CPSF3: variants seen among roughly 807,000 people sequenced by gnomAD.
CPSF3 encodes the protein cleavage and polyadenylation specific factor 3, also known as cleavage and polyadenylation specificity factor subunit 3.
A neutral mutation model predicts 84.1 loss-of-function variants in CPSF3; 57 were observed. The ratio of observed to expected loss-of-function variants is 0.68; its 90% CI spans 0.55 to 0.85. The LOEUF (loss-of-function observed/expected upper bound fraction) is 0.85, where lower values mean the gene tolerates loss of function less well. Among genes scored for constraint, CPSF3 ranks in the 40% least tolerant of loss-of-function variants. The pLI, the probability that CPSF3 is intolerant of heterozygous loss-of-function variation, is 0.00. For synonymous variants in CPSF3, 275 were observed against 278.1 expected (o/e 0.99, Z 0.11); for missense variants, 522 against 838.8 (o/e 0.62, Z 4.66).
intron 15 of CPSF3, among the ~76,000 whole-genome samples, chr2:9,463,274 A>G (rs569050335): frequency 6.6e-6 from 1 of 152,300 alleles, no homozygotes; most frequent in South Asian, 2.1e-4. Context: ...TTTTTAAAGG[A>G]CTGCCGTGGT....
chr2:9,473,021 T>C lies in CPSF3; in HGVS notation c.*4T>C. ...GGCCCTGACGCCAGTTCACTGAGAC[T>C]GTGCCTGTATATGAACTTTGAAAAA... On this transcript the variant is annotated 3_prime_UTR_variant, in exon 18 of 18. Coordinates refer to ENST00000238112, the MANE Select transcript of CPSF3 (RefSeq NM_016207.4). The C allele has an allele frequency of 6.2e-7, 1 of 1,602,542 alleles. No individual in the cohort carries two copies. The highest frequency in any genetic ancestry group is 8.5e-7 in the Non-Finnish European group (1 of 1,170,360).
intron 15 of CPSF3, among the ~76,000 whole-genome samples, chr2:9,461,381 A>T (rs1476958831): frequency 6.6e-6 from 1 of 152,190 alleles, no homozygotes. Flanking sequence ...TTTCTCTTAC[A>T]GTTGGGCACG....
intron 11 of CPSF3, among the ~76,000 whole-genome samples, chr2:9,449,787 C>T (rs1681253496): frequency 6.6e-6 from 1 of 152,108 alleles, no homozygotes; most frequent in East Asian, 1.9e-4. Flanking sequence ...TGAAATGTAA[C>T]ATTTTCAGAA....
chr2:9,463,858 C>T (rs1681816608), intron 15 of CPSF3, among the ~76,000 whole-genome samples: 1 of 152,216 alleles, frequency 6.6e-6, no homozygotes, highest in African/African-American at 2.4e-5. Context: ...GCTACAGCAG[C>T]AGAACTGAGT....
intron 1 of CPSF3, among the ~76,000 whole-genome samples, chr2:9,425,983 A>G (rs533204912): frequency 9.2e-5 from 14 of 152,314 alleles, no homozygotes; most frequent in Admixed American, 5.9e-4. Context: ...TGGACATTTC[A>G]TGTAAGTGTG....
rs181763451 is a variant in CPSF3 at position 9,450,199 on chromosome 2, T to G, written c.1395+1849T>G. 3.1e-3 allele frequency among the ~76,000 whole-genome samples: 464 copies of G among 150,656 alleles called. 2 individuals are homozygous for G. Among genetic ancestry groups the G allele is most frequent in the African/African-American group, 0.011 (449 of 40,990 alleles). On this transcript the variant is annotated intron_variant, in intron 11 of 17. Transcript: ENST00000238112. The stretch of plus-strand genomic sequence containing the variant: ...AGGAGTCTTGCTCTGTCGCCCAGGC[T>G]GGAGTGCAATGGTGCCATCTCGGCT...
intron 4 of CPSF3, among the ~76,000 whole-genome samples, chr2:9,431,459 A>AC (rs1376090531): frequency 6.6e-6 from 1 of 152,020 alleles, no homozygotes; most frequent in Non-Finnish European, 1.5e-5. Context: ...AATAATGCTT[A>AC]CCACATACTA....
intron 8 of CPSF3, among the ~76,000 whole-genome samples, chr2:9,441,539 T>C (rs1680960264): frequency 6.6e-6 from 1 of 152,236 alleles, no homozygotes; most frequent in South Asian, 2.1e-4. Context: ...TGCTAGGCGC[T>C]GAAGATGGTC....
intron 10 of CPSF3, among the ~76,000 whole-genome samples, chr2:9,444,127 C>T (rs961453021): frequency 7.1e-6 from 1 of 140,270 alleles, no homozygotes; most frequent in East Asian, 2.0e-4. Context: ...ATAGTAAATG[C>T]TTAATATATA....
chr2:9,456,403 C>T (rs1681528008), intron 13 of CPSF3, among the ~76,000 whole-genome samples: 1 of 152,160 alleles, frequency 6.6e-6, no homozygotes, highest in Admixed American at 6.5e-5. Context: ...ATAAAATAAA[C>T]CAGTAGAAAG....
At position 9,459,630 on chromosome 2, in the gene CPSF3, T is replaced by C. The variant is rs200473404; in HGVS notation, c.1786+12T>C. 22 of 1,158,534 alleles carry C rather than the reference T, an allele frequency of 1.9e-5. No homozygotes were observed. In the East Asian group the frequency reaches 5.6e-4, roughly 29 times the overall value. The allele number at this position is 1,158,534 out of a possible 1,614,324, so 71.8% of individuals were successfully genotyped here. Reference sequence around the variant, plus strand: ...CAAAATAAGAAAAGGTAAGAGTTCATTTTTATCCTTTTTTTTTTTTTTTTT... The same window carrying C: ...CAAAATAAGAAAAGGTAAGAGTTCACTTTTATCCTTTTTTTTTTTTTTTTT... On this transcript the variant is annotated intron_variant, in intron 15 of 17. Coordinates refer to ENST00000238112, the MANE Select transcript of CPSF3 (RefSeq NM_016207.4).
At chr2:9,452,244 G>A (rs562555042) in intron 11 of CPSF3, among the ~76,000 whole-genome samples, 8 of 150,778 alleles carry the variant, frequency 5.3e-5, no homozygotes, top group Non-Finnish European at 8.8e-5. Context: ...TGGGAGAATC[G>A]CTTGAACCCG....
At chr2:9,431,144 C>T (rs1680570409) in intron 4 of CPSF3, among the ~76,000 whole-genome samples, 1 of 152,186 alleles carries the variant, frequency 6.6e-6, no homozygotes, top group Non-Finnish European at 1.5e-5. Flanking sequence ...GCAGCCTCAG[C>T]CACCTGGGCT....
At chr2:9,466,398 ACACGCACG>A (rs1380783556) in intron 15 of CPSF3, among the ~76,000 whole-genome samples, 1 of 144,430 alleles carries the variant, frequency 6.9e-6, no homozygotes, top group African/African-American at 2.6e-5. Flanking sequence ...ACGCGCACAC[ACACGCACG>A]CGCACACACG....
intron 14 of CPSF3, among the ~76,000 whole-genome samples, chr2:9,458,602 G>A (rs1681615449): frequency 6.6e-6 from 1 of 152,024 alleles, no homozygotes; most frequent in Non-Finnish European, 1.5e-5. Flanking sequence ...AGGCCAAGGT[G>A]GGCAGATCAC....
intron 12 of CPSF3, among the ~76,000 whole-genome samples, chr2:9,455,135 C>CTT (rs5829212): frequency 1.2e-4 from 16 of 135,536 alleles, no homozygotes; most frequent in South Asian, 2.4e-4. Flanking sequence ...ACATGAGGTG[C>CTT]TTTTTTTTTT....
At chr2:9,423,940 G>A (rs1680222137) in intron 1 of CPSF3, 117 bp downstream of exon 1, 2 of 1,491,182 alleles carry the variant, frequency 1.3e-6, no homozygotes, top group South Asian at 2.6e-5. Context: ...CCTGCCTTTG[G>A]TCCGCGCTTG....
intron 11 of CPSF3, 47 bp from the exon 12 acceptor site, chr2:9,452,866 C>T (rs763365543): frequency 2.0e-5 from 26 of 1,271,816 alleles, no homozygotes; most frequent in Non-Finnish European, 2.8e-5. Context: ...ACCTGAAAAA[C>T]TGCATTTTAC....
intron 10 of CPSF3, 41 bp downstream of exon 10, chr2:9,443,702 A>G (rs750571665): frequency 6.2e-6 from 10 of 1,603,982 alleles, no homozygotes; most frequent in Non-Finnish European, 8.5e-6. Flanking sequence ...AAGGGAAAAA[A>G]AGTGCATACC....
Sources: gnomAD v4.1 joint callset for allele counts (sites outside exome capture counted in the v4.1 genomes callset) on GRCh38, gnomAD v4.1.1 for gene constraint, MANE v1.5 for transcripts, NCBI Gene and HGNC (gene_info 2026-07-23, HGNC 2026-07-21) for gene names.